The following GNG4 variants were observed in gnomAD, a reference collection of about 807,000 sequenced individuals.
GNG4 encodes G protein subunit gamma 4, also known as guanine nucleotide-binding protein G(I)/G(S)/G(O) subunit gamma-4.
GNG4 carries 4 observed loss-of-function variants against 5.8 expected under a neutral mutation model. That is an observed-to-expected ratio of 0.69 (90% confidence interval 0.34 to 1.57). The LOEUF (loss-of-function observed/expected upper bound fraction) is 1.57. Ranked by LOEUF, GNG4 falls within the 40% of genes most tolerant of loss-of-function variation. The pLI is 0.06. For missense variants in GNG4, 96 were observed against 95.1 expected, an observed-to-expected ratio of 1.01 and a Z score of -0.04; for synonymous variants, 29 against 32.9, an observed-to-expected ratio of 0.88 and a Z score of 0.41.
intron 1 of GNG4, among the ~76,000 whole-genome samples, chr1:235,604,567 AT>A (rs1245280609): frequency 6.6e-6 from 1 of 152,170 alleles, no homozygotes; most frequent in Admixed American, 6.5e-5. Flanking sequence ...TCAATCCTTG[AT>A]TTGTAGACAT....
chr1:235,626,262 G>A (rs948805932), intron 1 of GNG4, among the ~76,000 whole-genome samples: 1 of 152,062 alleles, frequency 6.6e-6, no homozygotes, highest in African/African-American at 2.4e-5. Flanking sequence ...TCTTTAATAG[G>A]ATTTTGTTTT....
chr1:235,596,445 G>A (rs1019082988), intron 1 of GNG4, among the ~76,000 whole-genome samples: 1 of 152,096 alleles, frequency 6.6e-6, no homozygotes, highest in African/African-American at 2.4e-5. Flanking sequence ...GCTGAGGTGG[G>A]AGAATCATTT....
intron 1 of GNG4, among the ~76,000 whole-genome samples, chr1:235,607,078 A>G (rs1688378665): frequency 6.6e-6 from 1 of 150,880 alleles, no homozygotes; most frequent in Admixed American, 6.6e-5. Flanking sequence ...AGCTGGGATT[A>G]CAGGTGCGCA....
rs1657350020 is a variant in GNG4, at chr1:235,642,173, G to T, written c.-123+7489C>A. 6.6e-6 allele frequency among the ~76,000 whole-genome samples: 1 copy of T among 152,168 alleles called. No homozygotes were observed. Among genetic ancestry groups the T allele is most frequent in the Non-Finnish European group, 1.5e-5 (1 of 68,036 alleles). On this transcript the variant is annotated intron_variant, in intron 1 of 3. Transcript: ENST00000391854. The surrounding 1 kb of genome is among the most constrained non-coding windows in gnomAD (Gnocchi z 4.3). ...CTAACCACAGCGGTCCGAGGCGAACGCAGGGTGGAAGAACCCGAGCGAGGC... is the reference window on the plus strand; with the variant it reads ...CTAACCACAGCGGTCCGAGGCGAACTCAGGGTGGAAGAACCCGAGCGAGGC...
At chr1:235,603,483 C>T (rs952566148) in intron 1 of GNG4, among the ~76,000 whole-genome samples, 1 of 152,082 alleles carries the variant, frequency 6.6e-6, no homozygotes, top group African/African-American at 2.4e-5. Flanking sequence ...GAACGAGGTG[C>T]CCTCCCACCC....
chr1:235,639,896 C>G (rs1657267132), intron 1 of GNG4, among the ~76,000 whole-genome samples: 1 of 152,198 alleles, frequency 6.6e-6, no homozygotes, highest in Non-Finnish European at 1.5e-5. Flanking sequence ...GCATTCCTAC[C>G]CCTAGGACAT....
At chr1:235,555,263 C>T (rs1686871857) in intron 3 of GNG4, among the ~76,000 whole-genome samples, 1 of 152,106 alleles carries the variant, frequency 6.6e-6, no homozygotes, top group South Asian at 2.1e-4. Flanking sequence ...CTTCAGAGGG[C>T]AATCACTGGA....
chr1:235,639,342 C>T (rs1213566443), intron 1 of GNG4, among the ~76,000 whole-genome samples: 1 of 152,186 alleles, frequency 6.6e-6, no homozygotes, highest in Non-Finnish European at 1.5e-5. Context: ...CTGCAGGAAG[C>T]ACTTAATTAA....
In GNG4 at chr1:235,648,348, C is replaced by T. The variant is rs574187548; in HGVS notation, c.-123+1314G>A. Among the ~76,000 whole-genome samples, 7 of 152,298 alleles carry T rather than the reference C, an allele frequency of 4.6e-5. No homozygotes were observed. The highest frequency in any genetic ancestry group is 4.6e-4 in the Admixed American group (7 of 15,302). ...TGCCACAGCCATCTCTTATCATGAC[C>T]GGTCACTGAGCAAACCCTACATTTC... On this transcript the variant is annotated intron_variant, in intron 1 of 3. Coordinates refer to ENST00000391854, the MANE Select transcript of GNG4 (RefSeq NM_001098722.2). This position sits in a 1 kb window ranked among gnomAD's most constrained non-coding sequence, Gnocchi z 5.0.
intron 1 of GNG4, among the ~76,000 whole-genome samples, chr1:235,619,195 A>C (rs1270493796): frequency 6.9e-6 from 1 of 144,408 alleles, no homozygotes; most frequent in Non-Finnish European, 1.5e-5. Flanking sequence ...ATATATATAC[A>C]CACACACATA....
At chr1:235,559,320 A>T (rs570161392) in intron 3 of GNG4, among the ~76,000 whole-genome samples, 1 of 152,200 alleles carries the variant, frequency 6.6e-6, no homozygotes, top group African/African-American at 2.4e-5. Context: ...TGCACACTCC[A>T]CTAGAAGATA....
chr1:235,645,564 G>C (rs998948204), intron 1 of GNG4, among the ~76,000 whole-genome samples: 6 of 152,198 alleles, frequency 3.9e-5, no homozygotes, highest in Admixed American at 3.9e-4. Flanking sequence ...CTGGGAGGCC[G>C]AGTCAGGTGG....
intron 1 of GNG4, among the ~76,000 whole-genome samples, chr1:235,624,025 G>A (rs1688760057): frequency 6.6e-6 from 1 of 152,154 alleles, no homozygotes; most frequent in Admixed American, 6.5e-5. Flanking sequence ...GAGTACAGGT[G>A]AAAAGCACAT....
intron 1 of GNG4, chr1:235,616,201 A>C: frequency 1.9e-6 from 1 of 523,072 alleles, no homozygotes; most frequent in South Asian, 1.4e-5. Flanking sequence ...CTGCCAACTG[A>C]ATTTTTGTGC....
chr1:235,573,091 T>A (rs1178132252), intron 3 of GNG4, among the ~76,000 whole-genome samples: 3 of 152,028 alleles, frequency 2.0e-5, no homozygotes, highest in Non-Finnish European at 1.5e-5. Context: ...TGTCCATCAA[T>A]GATAGACTGG....
chr1:235,580,996 C>T (rs1368741848), intron 3 of GNG4, among the ~76,000 whole-genome samples: 3 of 152,124 alleles, frequency 2.0e-5, no homozygotes, highest in East Asian at 3.9e-4. Context: ...AGGTGATTCA[C>T]CTGCCTCGGC....
intron 2 of GNG4, among the ~76,000 whole-genome samples, chr1:235,594,327 G>C (rs373869129): frequency 1.1e-4 from 17 of 152,292 alleles, no homozygotes; most frequent in African/African-American, 3.8e-4. Flanking sequence ...TAGACATAAA[G>C]TTTCTCCAAG....
chr1:235,616,488 G>A (rs368476185), intron 1 of GNG4: 2 of 215,904 alleles, frequency 9.3e-6, no homozygotes, highest in African/African-American at 4.7e-5. Flanking sequence ...AAGCACCGTG[G>A]AAGAGGTTGT....
intron 2 of GNG4, among the ~76,000 whole-genome samples, chr1:235,587,268 G>C (rs990873265): frequency 1.5e-5 from 2 of 135,536 alleles, no homozygotes; most frequent in African/African-American, 2.8e-5. Context: ...CAGTGTATGT[G>C]AGTGTGTGTG....
Sources: gnomAD v4.1 joint callset for allele counts (sites outside exome capture counted in the v4.1 genomes callset) on GRCh38, gnomAD v4.1.1 for gene constraint, Gnocchi (gnomAD v3.1) non-coding constraint, MANE v1.5 for transcripts, NCBI Gene and HGNC (gene_info 2026-07-23, HGNC 2026-07-21) for gene names.